The following GRIP1 variants were observed in gnomAD, a reference collection of about 807,000 sequenced individuals.
GRIP1 encodes glutamate receptor interacting protein 1.
Under a neutral mutation model 129.9 loss-of-function variants are expected in GRIP1, and 45 were observed. The ratio of observed to expected loss-of-function variants is 0.35; its 90% CI spans 0.27 to 0.44. The LOEUF (loss-of-function observed/expected upper bound fraction) is 0.44. Ranked by LOEUF, GRIP1 falls within the 20% of genes least tolerant of loss-of-function variation. GRIP1 has a pLI of 1.00. For synonymous variants in GRIP1, 530 were observed against 520.8 expected (o/e 1.02, Z -0.24); for missense variants, 1,196 against 1,396.8 (o/e 0.86, Z 2.29).
chr12:66,501,085 G>A (rs1000524161), intron 7 of GRIP1, among the ~76,000 whole-genome samples: 2 of 152,152 alleles, frequency 1.3e-5, no homozygotes, highest in Admixed American at 6.6e-5. Context: ...GACTCAGTGG[G>A]TGTTACTGTA....
At chr12:66,349,336 G>C in intron 24 of GRIP1, 90 bp from the exon 25 acceptor site, 1 of 1,028,958 alleles carries the variant, frequency 9.7e-7, no homozygotes. Flanking sequence ...CAAGTTGTTT[G>C]AAGTCATGAA....
At chr12:66,727,470 G>A (rs2036292626) in intron 1 of GRIP1, among the ~76,000 whole-genome samples, 2 of 152,162 alleles carry the variant, frequency 1.3e-5, no homozygotes, top group Non-Finnish European at 1.5e-5. Context: ...CAGAAAGAGA[G>A]ACCCATGGAG....
intron 1 of GRIP1, 74 bp from the exon 2 acceptor site, chr12:66,597,001 C>T: frequency 1.0e-6 from 1 of 1,001,022 alleles, no homozygotes; most frequent in Non-Finnish European, 1.6e-6. Context: ...TAACGGATTG[C>T]AATCCTTCTG....
intron 1 of GRIP1, among the ~76,000 whole-genome samples, chr12:67,021,285 C>T (rs1336164921): frequency 6.6e-6 from 1 of 152,054 alleles, no homozygotes; most frequent in Non-Finnish European, 1.5e-5. Flanking sequence ...TCCCACCTTC[C>T]ATCCCTCCTT....
intron 13 of GRIP1, among the ~76,000 whole-genome samples, chr12:66,442,603 C>T (rs547027621): frequency 5.3e-5 from 8 of 152,294 alleles, no homozygotes; most frequent in Admixed American, 4.6e-4. Context: ...ACAATCACTG[C>T]TCACTGCAGC....
At chr12:67,058,633 A>C (rs768718225) in intron 1 of GRIP1, among the ~76,000 whole-genome samples, 31 of 152,240 alleles carry the variant, frequency 2.0e-4, no homozygotes, top group Non-Finnish European at 3.4e-4. Flanking sequence ...TAAGTGAGAA[A>C]AGTTTATGTG....
intron 1 of GRIP1, among the ~76,000 whole-genome samples, chr12:66,985,108 G>T (rs547208640): frequency 6.6e-6 from 1 of 152,240 alleles, no homozygotes; most frequent in Non-Finnish European, 1.5e-5. Context: ...ACAGCATGCT[G>T]GCTGGCTTCC....
At chr12:66,617,085 TTGTGTGTGTGTGTGTG>T (rs71436017) in intron 1 of GRIP1, among the ~76,000 whole-genome samples, 8 of 135,450 alleles carry the variant, frequency 5.9e-5, no homozygotes, top group East Asian at 4.4e-4. Context: ...AACAGACGTT[TTGTGTGTGTGTGTGTG>T]TGTGTGTGTG....
At chr12:66,444,826 T>C in intron 12 of GRIP1, 97 bp from the exon 13 acceptor site, 1 of 1,315,240 alleles carries the variant, frequency 7.6e-7, no homozygotes, top group South Asian at 1.2e-5. Flanking sequence ...CAAAATAGCA[T>C]CATAATTTGG....
chr12:66,400,220 C>T (rs1295713357), intron 16 of GRIP1, among the ~76,000 whole-genome samples: 1 of 151,878 alleles, frequency 6.6e-6, no homozygotes, highest in African/African-American at 2.4e-5. Flanking sequence ...GGGGCCTAGT[C>T]ATCTGTGTTT....
chr12:66,963,289 T>C (rs768873672), intron 1 of GRIP1, among the ~76,000 whole-genome samples: 10 of 152,128 alleles, frequency 6.6e-5, no homozygotes, highest in Non-Finnish European at 1.0e-4. Flanking sequence ...TACTCCAGCC[T>C]GAGCAAGAGT....
chr12:66,977,261 T>G (rs905326601), intron 1 of GRIP1, among the ~76,000 whole-genome samples: 2 of 151,794 alleles, frequency 1.3e-5, no homozygotes, highest in Non-Finnish European at 2.9e-5. Context: ...TTTATTATTA[T>G]TATACTTTAA....
chr12:66,611,988 TTCC>T (rs2064817695), intron 1 of GRIP1, among the ~76,000 whole-genome samples: 1 of 152,182 alleles, frequency 6.6e-6, no homozygotes, highest in African/African-American at 2.4e-5. Flanking sequence ...TGAAACTTGG[TTCC>T]TCCATTTATT....
chr12:66,923,664 G>T (rs568430587), intron 1 of GRIP1, among the ~76,000 whole-genome samples: 4 of 152,294 alleles, frequency 2.6e-5, no homozygotes, highest in Admixed American at 1.3e-4. Flanking sequence ...TACAGAGTAA[G>T]AACCCAGTTC....
At chr12:67,000,924 T>C (rs867234975) in intron 1 of GRIP1, among the ~76,000 whole-genome samples, 6 of 152,228 alleles carry the variant, frequency 3.9e-5, no homozygotes, top group Non-Finnish European at 7.3e-5. Flanking sequence ...TTGGGTAATA[T>C]ACTCCATAAG....
At chr12:66,585,415 C>T (rs2063590001) in intron 2 of GRIP1, among the ~76,000 whole-genome samples, 1 of 136,016 alleles carries the variant, frequency 7.4e-6, no homozygotes, top group African/African-American at 2.7e-5. Flanking sequence ...ATCCATGTCC[C>T]TACAAAGGAC....
chr12:66,932,711 C>T (rs999429545), intron 1 of GRIP1, among the ~76,000 whole-genome samples: 11 of 152,052 alleles, frequency 7.2e-5, no homozygotes, highest in Admixed American at 2.0e-4. Context: ...CTCTGTTGCC[C>T]AGGCTGGAGT....
intron 1 of GRIP1, chr12:67,069,020 C>CACCCACCCCCG: frequency 1.1e-6 from 1 of 911,828 alleles, no homozygotes; most frequent in Non-Finnish European, 1.3e-6. Context: ...GACCCCTGCC[C>CACCCACCCCCG]TCCCTCCCCG....
chr12:66,776,087 T>C (rs1174688253), intron 1 of GRIP1, among the ~76,000 whole-genome samples: 1 of 152,226 alleles, frequency 6.6e-6, no homozygotes, highest in African/African-American at 2.4e-5. Context: ...ATTTCAAAGA[T>C]TCTGAAAACT....
Sources: allele counts gnomAD v4.1 joint callset (sites outside exome capture counted in the v4.1 genomes callset), GRCh38; gene constraint gnomAD v4.1.1; transcripts MANE v1.5; gene names NCBI Gene and HGNC (gene_info 2026-07-23, HGNC 2026-07-21).